The following LAMA5 variants were observed in gnomAD, a reference collection of about 807,000 sequenced individuals.
LAMA5 encodes the protein laminin subunit alpha-5.
In LAMA5, 260 loss-of-function variants were observed where a neutral mutation model predicts 433.4. The observed-to-expected ratio is 0.60, with a 90% confidence interval of 0.54 to 0.66. The LOEUF is 0.66. Ranked by LOEUF, LAMA5 falls within the 30% of genes least tolerant of loss-of-function variation. LAMA5 has a pLI of 0.00. For synonymous variants in LAMA5, 2,620 were observed against 2,226.6 expected (o/e 1.18, Z -4.97); for missense variants, 5,378 against 5,258.5 (o/e 1.02, Z -0.70).
chr20:62,337,292 C>T, intron 16 of LAMA5, among the ~76,000 whole-genome samples: 1 of 152,170 alleles, frequency 6.6e-6, no homozygotes, highest in East Asian at 1.9e-4. Context: ...GGCACCCACA[C>T]TTAGGTGACA....
Position 62,362,568 on chromosome 20 carries a change from GA to G in LAMA5, c.298-17del. On this transcript the variant is annotated splice_polypyrimidine_tract_variant and intron_variant, in intron 1 of 79. Transcript: ENST00000252999. The stretch of plus-strand genomic sequence containing the variant: ...AGTACTGGCCCTGCAGAGGGAACGG[GA>G]GGGTCAGATAGCCGAGAAGGGCCGG... 6.6e-7 allele frequency: 1 copy of G among 1,520,438 alleles called. No individual in the cohort carries two copies. The highest frequency in any genetic ancestry group is 8.9e-7 in the Non-Finnish European group (1 of 1,129,010). The allele number at this position is 1,520,438 out of a possible 1,614,324, so 94.2% of individuals were successfully genotyped here.
chr20:62,367,303 C>G lies in LAMA5; in HGVS notation c.-58G>C. The stretch of plus-strand genomic sequence containing the variant: ...AGGGACAGCGCGCGCGGCGGGAGCC[C>G]GGCGGGTCTGAAGCCAGGCGGCCGG... On this transcript the variant is annotated 5_prime_UTR_variant, in exon 1 of 80. Transcript: ENST00000252999. 9.0e-7 allele frequency: 1 copy of G among 1,116,630 alleles called. No homozygotes were observed. Among genetic ancestry groups the G allele is most frequent in the Non-Finnish European group, 1.1e-6 (1 of 913,094 alleles). The allele number at this position is 1,116,630 out of a possible 1,614,324, so 69.2% of individuals were successfully genotyped here.
rs578173746 is a variant in LAMA5, at chr20:62,353,117, C to T, written c.568+17G>A. The T allele has an allele frequency of 2.6e-5, 40 of 1,543,280 alleles. No homozygotes were observed. Among genetic ancestry groups the T allele is most frequent in the South Asian group, 1.1e-4 (9 of 84,374 alleles). ...CCCCTGCCTCTCCCCCCAGGCCCCACGGCGGCAGAGACTCACAGGCAAAGA... is the reference window on the plus strand; with the variant it reads ...CCCCTGCCTCTCCCCCCAGGCCCCATGGCGGCAGAGACTCACAGGCAAAGA... On this transcript the variant is annotated intron_variant, in intron 3 of 79. Transcript: ENST00000252999.
chr20:62,334,036 T>C lies in LAMA5; in HGVS notation c.2743A>G (p.Arg915Gly). Residue 915 changes from arginine (R) to glycine (G), a missense_variant, in exon 23 of 80, where the codon AGG becomes GGG. Arg to Gly is a moderately radical substitution (Grantham distance 125). Transcript: ENST00000252999. ...GYAQMAPVQP[R>G]IVARLNLTSP... Reference sequence around the variant, plus strand: ...GTCAGGTTCAGCCTGGCCACGATCCTGGGCTGGGTGGGCATGGAGCGTCGG... The same window carrying C: ...GTCAGGTTCAGCCTGGCCACGATCCCGGGCTGGGTGGGCATGGAGCGTCGG... The C allele has an allele frequency of 6.2e-7, 1 of 1,611,484 alleles. No individual in the cohort carries two copies. The highest frequency in any genetic ancestry group is 1.1e-5 in the South Asian group (1 of 90,990).
chr20:62,364,558 G>A (rs181554593), intron 1 of LAMA5, among the ~76,000 whole-genome samples: 77 of 152,318 alleles, frequency 5.1e-4, no homozygotes, highest in African/African-American at 1.7e-3. Flanking sequence ...CCCCACCTCC[G>A]CTGCGGAGGG....
At position 62,362,344 on chromosome 20, in the gene LAMA5, C is replaced by T. The variant is rs1248935010; in HGVS notation, c.450+56G>A. 7 of 1,392,674 alleles carry T rather than the reference C, an allele frequency of 5.0e-6. No individual in the cohort carries two copies. The African/African-American group carries it at 7.4e-5, about 15-fold the overall frequency. The allele number at this position is 1,392,674 out of a possible 1,614,324, so 86.3% of individuals were successfully genotyped here. On this transcript the variant is annotated intron_variant, in intron 2 of 79. Transcript: ENST00000252999. Reference sequence around the variant, plus strand: ...TTCTGGTCCTGTGGCCCAAGGTAGGCCCGACGGGCACAGACACAGAGATGG... The same window carrying T: ...TTCTGGTCCTGTGGCCCAAGGTAGGTCCGACGGGCACAGACACAGAGATGG...
intron 11 of LAMA5, among the ~76,000 whole-genome samples, chr20:62,340,904 G>A (rs1255794442): frequency 2.0e-5 from 3 of 151,646 alleles, no homozygotes; most frequent in African/African-American, 7.3e-5. Flanking sequence ...GTATGGTGGT[G>A]GGCGCCTATA....
intron 11 of LAMA5, among the ~76,000 whole-genome samples, chr20:62,339,095 A>G (rs1391617599): frequency 6.6e-6 from 1 of 152,146 alleles, no homozygotes; most frequent in African/African-American, 2.4e-5. Context: ...GTGATGTGCA[A>G]CAAAGTCAGG....
chr20:62,321,264 A>G (rs1360243831), intron 48 of LAMA5, among the ~76,000 whole-genome samples: 9 of 26,220 alleles, frequency 3.4e-4, no homozygotes, highest in East Asian at 9.0e-4. Flanking sequence ...CAGTGGAGGC[A>G]GGGTCAGTGA....
In LAMA5 at chr20:62,336,374, C is replaced by T; in HGVS notation, c.2289G>A (p.Trp763Ter). ...CCTCGGGGTTGCTGGGGCTCAGTCC[C>T]CAGAACCCAGGTTTGCAGCGGTCAC... Reference protein sequence around the residue: ...PSCDRCKPGFWGLSPSNPEGC... With the variant: ...PSCDRCKPGF The change falls in exon 18 of 80, where the codon TGG becomes TGA. Residue 763 changes from tryptophan to a stop codon, truncating the protein, a stop_gained. Transcript: ENST00000252999. LOFTEE classifies it high-confidence loss of function. The T allele has an allele frequency of 6.2e-7, 1 of 1,612,428 alleles. No homozygotes were observed. Among genetic ancestry groups the T allele is most frequent in the Non-Finnish European group, 8.5e-7 (1 of 1,179,694 alleles).
intron 2 of LAMA5, among the ~76,000 whole-genome samples, chr20:62,353,723 G>T (rs1162189623): frequency 1.3e-5 from 2 of 152,098 alleles, no homozygotes; most frequent in Non-Finnish European, 2.9e-5. Context: ...AGGTCCAAAG[G>T]TCCAACCCCC....
chr20:62,317,472 C>G lies in LAMA5; in HGVS notation c.7384G>C (p.Asp2462His). The change falls in exon 55 of 80, where the codon GAT becomes CAT. Residue 2462 changes from aspartate (D) to histidine (H), a missense_variant. Asp to His is a moderately conservative substitution (Grantham distance 81). Transcript: ENST00000252999. ...TGCAGCAGTGGGGTCCGAGCCCCAT[C>G]CAGGCTGGCGGCGAGGCGCTCCAGC... ...EELERLAASL[D>H]GARTPLLQRM... is the part of the protein sequence containing the mutation. 1 of 1,559,246 alleles carries G rather than the reference C, an allele frequency of 6.4e-7. No individual in the cohort carries two copies. The highest frequency in any genetic ancestry group is 8.7e-7 in the Non-Finnish European group (1 of 1,149,652).
chr20:62,312,282 A>T lies in LAMA5; in HGVS notation c.9395T>A (p.Phe3132Tyr), dbSNP rs1390787767. The T allele has an allele frequency of 1.2e-6, 2 of 1,611,328 alleles. No individual in the cohort carries two copies. The highest frequency in any genetic ancestry group is 8.5e-7 in the Non-Finnish European group (1 of 1,179,548). Residue 3132 changes from phenylalanine (F) to tyrosine (Y), a missense_variant, in exon 69 of 80, where the codon TTC (phenylalanine) becomes TAC (tyrosine). Transcript: ENST00000252999. ...GRAMTFHGHG[F>Y]LRLALSNVAP... Reference sequence around the variant, plus strand: ...CACGTTCGAGAGCGCCAGGCGAAGGAAGCCGTGGCCATGGAAAGTCATGGC... The same window carrying T: ...CACGTTCGAGAGCGCCAGGCGAAGGTAGCCGTGGCCATGGAAAGTCATGGC...
At chr20:62,313,545 G>A in intron 63 of LAMA5, 85 bp from the exon 64 acceptor site, 2 of 1,563,188 alleles carry the variant, frequency 1.3e-6, no homozygotes, top group African/African-American at 1.4e-5. Context: ...ACTACAGCAG[G>A]ACGGACTGAG....
rs1311338772 is a variant in LAMA5, at chr20:62,310,847, G to A, written c.10282-18C>T. 6.3e-7 allele frequency: 1 copy of A among 1,587,818 alleles called. No individual in the cohort carries two copies. Among genetic ancestry groups the A allele is most frequent in the Admixed American group, 1.8e-5 (1 of 56,978 alleles). The stretch of plus-strand genomic sequence containing the variant: ...ACGGAGACCTGGGGGCAGGAGATGG[G>A]TCAGGGTAGGGCTGCCAGGCCCTGC... On this transcript the variant is annotated intron_variant, in intron 74 of 79. Coordinates refer to ENST00000252999, the MANE Select transcript of LAMA5 (RefSeq NM_005560.6).
chr20:62,334,662 C>T (rs1421265065), intron 20 of LAMA5, 41 bp from the exon 21 acceptor site: 2 of 1,507,330 alleles, frequency 1.3e-6, no homozygotes, highest in Non-Finnish European at 1.8e-6. Flanking sequence ...GCCTGGCCCC[C>T]ACCCAGCCTC....
chr20:62,309,731 G>C lies in LAMA5; in HGVS notation c.10933C>G (p.Leu3645Val). The change falls in exon 79 of 80, where the codon CTC becomes GTC. Residue 3645 changes from leucine (L) to valine (V), a missense_variant. By Grantham distance (32) the Leu-to-Val change is conservative (BLOSUM62 1). Transcript: ENST00000252999. ...CCGCACTCACCAGGCAGGCCCCCGAGGTACAGAGGGGCTGGGGCACCAGCT... is the reference window on the plus strand; with the variant it reads ...CCGCACTCACCAGGCAGGCCCCCGACGTACAGAGGGGCTGGGGCACCAGCT... ...AAAGAPAPLYLGGLPEPMAVQ... is the reference protein window; with the variant it reads ...AAAGAPAPLYVGGLPEPMAVQ... The C allele has an allele frequency of 1.3e-6, 2 of 1,599,562 alleles. No homozygotes were observed. Among genetic ancestry groups the C allele is most frequent in the Non-Finnish European group, 1.7e-6 (2 of 1,175,858 alleles).
At position 62,311,868 on chromosome 20, in the gene LAMA5, A is replaced by G. The variant is rs1287609034; in HGVS notation, c.9635+52T>C. Reference sequence around the variant, plus strand: ...AGGAGACAGAGGTCCAGGCAAGTGCAGGCGGGCGTCCCTCCAGACCTTCAC... The same window carrying G: ...AGGAGACAGAGGTCCAGGCAAGTGCGGGCGGGCGTCCCTCCAGACCTTCAC... On this transcript the variant is annotated intron_variant, in intron 70 of 79. Transcript: ENST00000252999. 2.0e-6 allele frequency: 3 copies of G among 1,475,590 alleles called. No individual in the cohort carries two copies. In the African/African-American group the frequency reaches 4.4e-5, roughly 22 times the overall value. 91.4% of individuals were successfully genotyped at this position (1,475,590 alleles called of 1,614,324 possible).
chr20:62,330,993 C>G, intron 29 of LAMA5, 39 bp downstream of exon 29: 1 of 1,572,286 alleles, frequency 6.4e-7, no homozygotes, highest in Non-Finnish European at 8.6e-7. Context: ...CCGCCGGGCC[C>G]TCGGCCGCGC....
Sources: allele counts gnomAD v4.1 joint callset (sites outside exome capture counted in the v4.1 genomes callset), GRCh38; gene constraint gnomAD v4.1.1; transcripts MANE v1.5; gene names NCBI Gene and HGNC (gene_info 2026-07-23, HGNC 2026-07-21).